Variants in EPHA8 observed in about 807,000 individuals in gnomAD.
EPHA8 encodes EPH receptor A8.
A neutral mutation model predicts 103.6 loss-of-function variants in EPHA8; 58 were observed. That is an observed-to-expected ratio of 0.56 (90% CI 0.45 to 0.70). The LOEUF (loss-of-function observed/expected upper bound fraction) is 0.70, where lower values mean the gene tolerates loss of function less well. Among genes scored for constraint, EPHA8 ranks in the 30% least tolerant of loss-of-function variants. EPHA8 has a pLI of 0.00. For missense variants in EPHA8, 1,304 were observed against 1,395.2 expected (o/e 0.93, Z 1.04); for synonymous variants, 559 against 572.5 (o/e 0.98, Z 0.34).
chr1:22,596,255 G>T, intron 9 of EPHA8, 82 bp downstream of exon 9: 7 of 1,366,268 alleles, frequency 5.1e-6, no homozygotes, highest in Non-Finnish European at 7.2e-6. Flanking sequence ...GCACAGATGG[G>T]AAGGAGGAAG....
At chr1:22,594,510 C>G (rs1011152655) in intron 7 of EPHA8, among the ~76,000 whole-genome samples, 2 of 152,234 alleles carry the variant, frequency 1.3e-5, no homozygotes, top group Non-Finnish European at 2.9e-5. Context: ...AACAAGTCCT[C>G]GGTGATCCCC....
rs879547194 is a variant in EPHA8 at position 22,567,498 on chromosome 1, T to C, written c.95-1791T>C. On this transcript the variant is annotated intron_variant, in intron 1 of 16. Coordinates refer to ENST00000166244, the MANE Select transcript of EPHA8 (RefSeq NM_020526.5). This position sits in a 1 kb window ranked among gnomAD's most constrained non-coding sequence, Gnocchi z 4.2. ...GAGGTCCCTCTGCGGACATTCGCTG[T>C]GTCCCCTGATCCCAAGTGGCCCCTG... Among the ~76,000 whole-genome samples, 2 of 152,058 alleles carry C rather than the reference T, an allele frequency of 1.3e-5. No homozygotes were observed. The highest frequency in any genetic ancestry group is 1.3e-4 in the Admixed American group (2 of 15,276).
In EPHA8 at chr1:22,567,513, A is replaced by C. The variant is rs1424512512; in HGVS notation, c.95-1776A>C. ...ACATTCGCTGTGTCCCCTGATCCCA[A>C]GTGGCCCCTGGGGACCCAGGGAGGA... is the stretch of plus-strand genomic sequence containing the variant. On this transcript the variant is annotated intron_variant, in intron 1 of 16. Transcript: ENST00000166244. This position sits in a 1 kb window ranked among gnomAD's most constrained non-coding sequence, Gnocchi z 4.2. Among the ~76,000 whole-genome samples, 1 of 151,998 alleles carries C rather than the reference A, an allele frequency of 6.6e-6. No homozygotes were observed. Among genetic ancestry groups the C allele is most frequent in the Non-Finnish European group, 1.5e-5 (1 of 67,982 alleles).
intron 8 of EPHA8, among the ~76,000 whole-genome samples, chr1:22,595,708 C>G (rs1641498276): frequency 6.6e-6 from 1 of 152,186 alleles, no homozygotes; most frequent in South Asian, 2.1e-4. Flanking sequence ...CTGTAAGGAT[C>G]ATCTAACTGA....
At chr1:22,571,929 C>G (rs1159434128) in intron 2 of EPHA8, among the ~76,000 whole-genome samples, 1 of 152,136 alleles carries the variant, frequency 6.6e-6, no homozygotes, top group Non-Finnish European at 1.5e-5. Context: ...CCCCGCTACT[C>G]AGGAGGCTGA....
intron 4 of EPHA8, 71 bp from the exon 5 acceptor site, chr1:22,588,800 G>T (rs1289196090): frequency 6.6e-7 from 1 of 1,511,992 alleles, no homozygotes; most frequent in Non-Finnish European, 8.8e-7. Flanking sequence ...GGGAGCCCCA[G>T]GTCTGATGAT....
chr1:22,586,931 C>T (rs1425333278), intron 4 of EPHA8, among the ~76,000 whole-genome samples: 2 of 152,258 alleles, frequency 1.3e-5, no homozygotes. Flanking sequence ...GATCTAGCAG[C>T]GATGCCGATG....
At chr1:22,596,219 G>A in intron 9 of EPHA8, 46 bp downstream of exon 9, 1 of 1,590,850 alleles carries the variant, frequency 6.3e-7, no homozygotes, top group Non-Finnish European at 8.6e-7. Flanking sequence ...AAGGCCACAG[G>A]GGGACCCAGT....
chr1:22,568,014 C>G (rs1640417768), intron 1 of EPHA8, among the ~76,000 whole-genome samples: 1 of 152,158 alleles, frequency 6.6e-6, no homozygotes. Context: ...AAGCCGGAGC[C>G]CTGATTTCTA....
intron 2 of EPHA8, among the ~76,000 whole-genome samples, chr1:22,573,390 A>G (rs1640597675): frequency 6.6e-6 from 1 of 152,154 alleles, no homozygotes. Context: ...GGCCTGTTTG[A>G]GTCCCATTTT....
intron 13 of EPHA8, among the ~76,000 whole-genome samples, chr1:22,599,658 AGGAGGGAGGGAG>A (rs1641629773): frequency 3.3e-5 from 1 of 30,100 alleles, no homozygotes; most frequent in African/African-American, 2.2e-4. Flanking sequence ...AAGGAAGGAA[AGGAGGGAGGGAG>A]GAAGGAGGGA....
At chr1:22,580,115 T>A (rs1001742712) in intron 3 of EPHA8, among the ~76,000 whole-genome samples, 7 of 145,398 alleles carry the variant, frequency 4.8e-5, no homozygotes, top group African/African-American at 1.8e-4. Flanking sequence ...CTCTCTGGTT[T>A]TCTTTCTTTC....
At chr1:22,578,300 A>G (rs1336669241) in intron 3 of EPHA8, among the ~76,000 whole-genome samples, 1 of 133,138 alleles carries the variant, frequency 7.5e-6, no homozygotes, top group Non-Finnish European at 1.6e-5. Flanking sequence ...GCATGAGTCT[A>G]TGCCTGTGTG....
At chr1:22,600,067 TGGAGGGAGGAAGGAAG>T (rs1336144986) in intron 13 of EPHA8, among the ~76,000 whole-genome samples, 1 of 45,716 alleles carries the variant, frequency 2.2e-5, no homozygotes, top group Admixed American at 2.2e-4. Flanking sequence ...GAAGGGGGGA[TGGAGGGAGGAAGGAAG>T]GGAGGGAGGG....
intron 2 of EPHA8, among the ~76,000 whole-genome samples, chr1:22,572,381 G>A (rs145122058): frequency 0.028 from 4,246 of 152,340 alleles, 105 homozygotes; most frequent in Non-Finnish European, 0.04. Context: ...GCTGATAGAT[G>A]AAAAGGCCAT....
chr1:22,584,310 G>T (rs527584470), intron 3 of EPHA8, among the ~76,000 whole-genome samples: 17 of 152,294 alleles, frequency 1.1e-4, no homozygotes, highest in Admixed American at 1.1e-3. Context: ...CTAGACCTGA[G>T]CTCAGCCCCC....
At chr1:22,570,289 C>T (rs967753676) in intron 2 of EPHA8, among the ~76,000 whole-genome samples, 6 of 150,862 alleles carry the variant, frequency 4.0e-5, no homozygotes, top group Non-Finnish European at 7.4e-5. Context: ...CACGCGCGTA[C>T]ACACACATGC....
Position 22,580,729 on chromosome 1 carries a change from C to T in EPHA8, c.823+3849C>T, listed in dbSNP as rs114718295. Among the ~76,000 whole-genome samples, 1,369 of 152,350 alleles carry T rather than the reference C, an allele frequency of 9.0e-3. 21 individuals carry two copies. The highest frequency in any genetic ancestry group is 0.031 in the African/African-American group (1,275 of 41,576). ...CACATACCAGCTCATTTGCTCATTG[C>T]AGCAAGGCAGGTATCACAATTCCAT... On this transcript the variant is annotated intron_variant, in intron 3 of 16. Transcript: ENST00000166244.
Position 22,597,858 on chromosome 1 carries a change from C to G in EPHA8, c.2113C>G (p.Arg705Gly), listed in dbSNP as rs528574353. ...CATCCGCCTCGAGGGTGTCGTCACC[C>G]GTGGTAGGTGCCGGGCAAAGACAGC... ...NIIRLEGVVT[R>G]GRLAMIVTEY... is the part of the protein sequence containing the mutation. Residue 705 changes from arginine to glycine, a missense_variant, in exon 11 of 17, where the codon CGT (arginine) becomes GGT (glycine). By Grantham distance (125) the Arg-to-Gly change is moderately radical. Transcript: ENST00000166244. This position sits in a 1 kb window ranked among gnomAD's most constrained non-coding sequence, Gnocchi z 4.6. The G allele has an allele frequency of 6.2e-7, 1 of 1,606,564 alleles. No homozygotes were observed. Among genetic ancestry groups the G allele is most frequent in the South Asian group, 1.1e-5 (1 of 89,994 alleles).
Sources: gnomAD v4.1 joint callset for allele counts (sites outside exome capture counted in the v4.1 genomes callset) on GRCh38, gnomAD v4.1.1 for gene constraint, Gnocchi (gnomAD v3.1) non-coding constraint, MANE v1.5 for transcripts, NCBI Gene and HGNC (gene_info 2026-07-23, HGNC 2026-07-21) for gene names.